The following NKAIN3 variants were observed in gnomAD, a reference collection of about 807,000 sequenced individuals.
NKAIN3 encodes sodium/potassium-transporting ATPase subunit beta-1-interacting protein 3.
NKAIN3 carries 25 observed loss-of-function variants against 30.2 expected under a neutral mutation model. That is an observed-to-expected ratio of 0.83 (90% CI 0.60 to 1.16). NKAIN3 has a LOEUF of 1.16. Ranked by LOEUF, NKAIN3 falls within the 50% of genes most tolerant of loss-of-function variation. The pLI is 0.00. For synonymous variants in NKAIN3, 91 were observed against 89.6 expected, an observed-to-expected ratio of 1.02 and a Z score of -0.09; for missense variants, 225 against 254.1, an observed-to-expected ratio of 0.89 and a Z score of 0.78.
intron 1 of NKAIN3, among the ~76,000 whole-genome samples, chr8:62,555,942 G>A (rs1005255695): frequency 2.0e-5 from 3 of 151,794 alleles, no homozygotes; most frequent in Non-Finnish European, 4.4e-5. Flanking sequence ...GTGCCTAATG[G>A]AAAATGTCTA....
intron 4 of NKAIN3, among the ~76,000 whole-genome samples, chr8:62,877,606 T>C (rs1820839415): frequency 6.6e-6 from 1 of 152,184 alleles, no homozygotes; most frequent in African/African-American, 2.4e-5. Flanking sequence ...GGTTGAAATT[T>C]GTAATGCTAA....
chr8:62,476,360 T>C (rs2129600386), intron 1 of NKAIN3, among the ~76,000 whole-genome samples: 1 of 152,324 alleles, frequency 6.6e-6, no homozygotes, highest in South Asian at 2.1e-4. Flanking sequence ...ATTGCCATGT[T>C]TTGTTTGCTG....
At chr8:62,696,305 A>C (rs2130455894) in intron 3 of NKAIN3, among the ~76,000 whole-genome samples, 1 of 152,318 alleles carries the variant, frequency 6.6e-6, no homozygotes, top group Non-Finnish European at 1.5e-5. Flanking sequence ...GGATTAAAAG[A>C]TTTTGGTGAA....
intron 1 of NKAIN3, among the ~76,000 whole-genome samples, chr8:62,527,070 T>A (rs984221115): frequency 6.6e-6 from 1 of 152,118 alleles, no homozygotes; most frequent in Admixed American, 6.6e-5. Context: ...GTCTTTATGG[T>A]CTCTAGACTG....
intron 4 of NKAIN3, among the ~76,000 whole-genome samples, chr8:62,808,694 C>T (rs1964550): frequency 0.027 from 4,138 of 152,068 alleles, 202 homozygotes; most frequent in African/African-American, 0.095. Flanking sequence ...GTGTGGGTCA[C>T]AGAGATCACA....
At chr8:62,960,040 C>G (rs988177889) in intron 6 of NKAIN3, among the ~76,000 whole-genome samples, 19 of 152,212 alleles carry the variant, frequency 1.2e-4, no homozygotes, top group Admixed American at 1.0e-3. Context: ...ATGGTTGTAC[C>G]ATGTCATGGA....
At chr8:62,772,236 A>G (rs1278324590) in intron 4 of NKAIN3, among the ~76,000 whole-genome samples, 1 of 152,208 alleles carries the variant, frequency 6.6e-6, no homozygotes, top group African/African-American at 2.4e-5. Flanking sequence ...TGCAAATGAC[A>G]GGATCTCACT....
chr8:62,791,180 GAGGAAATGC>G (rs1339615682), intron 4 of NKAIN3, among the ~76,000 whole-genome samples: 3 of 152,038 alleles, frequency 2.0e-5, no homozygotes, highest in African/African-American at 7.2e-5. Flanking sequence ...CACCCGTTTA[GAGGAAATGC>G]AAAGTGCCAT....
intron 4 of NKAIN3, among the ~76,000 whole-genome samples, chr8:62,786,970 T>C (rs1314764443): frequency 1.3e-5 from 2 of 152,126 alleles, no homozygotes; most frequent in Admixed American, 1.3e-4. Context: ...GGCAGGACAA[T>C]GGGAAACCCA....
intron 1 of NKAIN3, among the ~76,000 whole-genome samples, chr8:62,543,267 C>A (rs1808901136): frequency 1.3e-5 from 2 of 152,276 alleles, no homozygotes; most frequent in Admixed American, 1.3e-4. Context: ...CTGCTGGTTT[C>A]TTCTAGCATT....
chr8:62,648,344 G>C (rs763866726), intron 3 of NKAIN3, among the ~76,000 whole-genome samples: 13 of 152,074 alleles, frequency 8.5e-5, no homozygotes, highest in Non-Finnish European at 1.5e-4. Context: ...TGTGTGTCGG[G>C]AGAAATGACC....
At chr8:62,999,645 A>G (rs1361146253) in exon 6 of NKAIN3, 5 of 151,956 alleles carry the variant, frequency 3.3e-5, no homozygotes, top group South Asian at 2.1e-4. Context: ...ATGAAATCCC[A>G]TTTGTCTATT....
intron 2 of NKAIN3, among the ~76,000 whole-genome samples, chr8:62,588,117 G>T (rs1205708899): frequency 2.0e-5 from 3 of 151,396 alleles, no homozygotes; most frequent in African/African-American, 7.3e-5. Context: ...TTGACTTAGA[G>T]GTTAGCATTG....
chr8:62,776,050 TG>T (rs1191680439), intron 4 of NKAIN3, among the ~76,000 whole-genome samples: 12 of 152,112 alleles, frequency 7.9e-5, no homozygotes, highest in Admixed American at 7.2e-4. Context: ...TTGTAGTTTT[TG>T]TCTTGAAACT....
chr8:62,787,681 T>A (rs1374595502), intron 4 of NKAIN3, among the ~76,000 whole-genome samples: 1 of 151,976 alleles, frequency 6.6e-6, no homozygotes, highest in Non-Finnish European at 1.5e-5. Flanking sequence ...CCTCCCCACT[T>A]CCCCCACCCC....
At chr8:62,783,381 G>T (rs1817418125) in intron 4 of NKAIN3, among the ~76,000 whole-genome samples, 1 of 152,070 alleles carries the variant, frequency 6.6e-6, no homozygotes, top group African/African-American at 2.4e-5. Flanking sequence ...ATCCAACCAT[G>T]CTGGCACTCT....
At chr8:62,756,795 G>A (rs1325297116) in intron 4 of NKAIN3, among the ~76,000 whole-genome samples, 1 of 152,116 alleles carries the variant, frequency 6.6e-6, no homozygotes, top group Non-Finnish European at 1.5e-5. Context: ...GTATGCATAT[G>A]ATTAGTATTT....
chr8:62,396,982 G>T (rs1250331719), intron 1 of NKAIN3, among the ~76,000 whole-genome samples: 1 of 152,168 alleles, frequency 6.6e-6, no homozygotes, highest in Admixed American at 6.5e-5. Context: ...ACAATTTATT[G>T]TGCACGACAG....
At chr8:62,904,790 G>GAGAAAA in intron 4 of NKAIN3, among the ~76,000 whole-genome samples, 1 of 152,306 alleles carries the variant, frequency 6.6e-6, no homozygotes, top group Middle Eastern at 3.4e-3. Context: ...ATGCAAAGTT[G>GAGAAAA]AATTGAGAAA....
Sources: gnomAD v4.1 joint callset for allele counts (sites outside exome capture counted in the v4.1 genomes callset) on GRCh38, gnomAD v4.1.1 for gene constraint, MANE v1.5 for transcripts, NCBI Gene and HGNC (gene_info 2026-07-23, HGNC 2026-07-21) for gene names.